Variants in HS6ST3 observed in about 807,000 individuals in gnomAD.
HS6ST3 encodes the protein heparan sulfate 6-O-sulfotransferase 3, also known as heparan-sulfate 6-O-sulfotransferase 3.
Under a neutral mutation model 36.7 loss-of-function variants are expected in HS6ST3, and 12 were observed. The ratio of observed to expected loss-of-function variants is 0.33; its 90% confidence interval spans 0.21 to 0.53. HS6ST3 has a LOEUF of 0.53. HS6ST3 is among the 20% of genes least tolerant of loss of function. The pLI is 0.95. For missense variants in HS6ST3, 584 were observed against 640.9 expected, an observed-to-expected ratio of 0.91 and a Z score of 0.96; for synonymous variants, 240 against 257.5, an observed-to-expected ratio of 0.93 and a Z score of 0.65.
chr13:96,658,268 CTTTTTTTT>C (rs71213623), intron 1 of HS6ST3, among the ~76,000 whole-genome samples: 213 of 76,156 alleles, frequency 2.8e-3, no homozygotes, highest in Non-Finnish European at 3.2e-3. Context: ...TCTTCTTCTT[CTTTTTTTT>C]TTTTTTTTTT....
Position 96,091,163 on chromosome 13 carries a change from G to C in HS6ST3, c.301G>C (p.Gly101Arg). The change falls in exon 1 of 2, where the codon GGG becomes CGG. Residue 101 changes from glycine (G) to arginine (R), a missense_variant. Gly to Arg is a moderately radical substitution (Grantham distance 125). Around this residue, in one of 3 missense-constraint regions of HS6ST3, gnomAD observed 217 missense variants for 205.4 expected, o/e 1.06. Coordinates refer to ENST00000376705, the MANE Select transcript of HS6ST3 (RefSeq NM_153456.4). ...CGAGGAGCCCGGAGACCCCCGGGAGGGGGAGGAAGAGGAGGAGGAAGACGA... is the reference window on the plus strand; with the variant it reads ...CGAGGAGCCCGGAGACCCCCGGGAGCGGGAGGAAGAGGAGGAGGAAGACGA... ...EDEEPGDPRE[G>R]EEEEEEDEPD... The C allele has an allele frequency of 6.5e-7, 1 of 1,544,678 alleles. No homozygotes were observed. Among genetic ancestry groups the C allele is most frequent in the Non-Finnish European group, 8.7e-7 (1 of 1,144,060 alleles).
chr13:96,170,565 G>A (rs2139334128), intron 1 of HS6ST3, among the ~76,000 whole-genome samples: 1 of 152,290 alleles, frequency 6.6e-6, no homozygotes, highest in South Asian at 2.1e-4. Flanking sequence ...GTTTAAAAAT[G>A]GTGGGAGAGA....
chr13:96,364,164 C>T (rs534950366), intron 1 of HS6ST3, among the ~76,000 whole-genome samples: 1 of 151,966 alleles, frequency 6.6e-6, no homozygotes, highest in South Asian at 2.1e-4. Context: ...AAATTGAAAC[C>T]CATGTACACT....
intron 1 of HS6ST3, among the ~76,000 whole-genome samples, chr13:96,443,105 A>G (rs2139481269): frequency 6.6e-6 from 1 of 152,316 alleles, no homozygotes; most frequent in East Asian, 1.9e-4. Flanking sequence ...TTTGATCAAT[A>G]TTTATAAAAG....
chr13:96,361,080 G>A (rs1427883598), intron 1 of HS6ST3, among the ~76,000 whole-genome samples: 1 of 152,130 alleles, frequency 6.6e-6, no homozygotes, highest in Admixed American at 6.6e-5. Flanking sequence ...AAAGGGTTAA[G>A]ATTACTAATT....
chr13:96,668,548 C>T (rs1365877236), intron 1 of HS6ST3, among the ~76,000 whole-genome samples: 2 of 152,042 alleles, frequency 1.3e-5, no homozygotes, highest in Non-Finnish European at 2.9e-5. Flanking sequence ...GAGCTACTGT[C>T]GCTGCTACAT....
intron 1 of HS6ST3, among the ~76,000 whole-genome samples, chr13:96,442,778 TA>T (rs57528030): frequency 0.25 from 30,890 of 124,138 alleles, 3,649 homozygotes; most frequent in African/African-American, 0.36. Flanking sequence ...CAATTGGAAG[TA>T]AAAAAAAAAA....
intron 1 of HS6ST3, among the ~76,000 whole-genome samples, chr13:96,760,071 C>G (rs1876928155): frequency 6.6e-6 from 1 of 151,908 alleles, no homozygotes; most frequent in Non-Finnish European, 1.5e-5. Flanking sequence ...TATGACATAT[C>G]TGCAATCCAA....
intron 1 of HS6ST3, among the ~76,000 whole-genome samples, chr13:96,358,129 A>C (rs2055219129): frequency 6.6e-6 from 1 of 152,324 alleles, no homozygotes; most frequent in Admixed American, 6.5e-5. Context: ...CATATATGGA[A>C]ATCTCTTTTA....
chr13:96,155,489 A>G (rs2054106057), intron 1 of HS6ST3, among the ~76,000 whole-genome samples: 1 of 152,204 alleles, frequency 6.6e-6, no homozygotes, highest in South Asian at 2.1e-4. Context: ...GGAAGGAGGA[A>G]GACATCAGAG....
chr13:96,677,697 T>C (rs564016474), intron 1 of HS6ST3, among the ~76,000 whole-genome samples: 4 of 152,282 alleles, frequency 2.6e-5, no homozygotes, highest in African/African-American at 4.8e-5. Flanking sequence ...GCTGTACCCA[T>C]GTCGCTCTGC....
intron 1 of HS6ST3, among the ~76,000 whole-genome samples, chr13:96,452,647 C>T (rs910409064): frequency 7.9e-5 from 12 of 151,846 alleles, no homozygotes; most frequent in Admixed American, 2.0e-4. Context: ...ATTAAGGGAA[C>T]TGTTAGATTA....
intron 1 of HS6ST3, among the ~76,000 whole-genome samples, chr13:96,386,655 A>G (rs780991585): frequency 1.6e-4 from 25 of 152,136 alleles, no homozygotes; most frequent in Non-Finnish European, 3.1e-4. Context: ...TCACAAGGTC[A>G]AGAGATCAAG....
chr13:96,209,740 T>C (rs2139356686), intron 1 of HS6ST3, among the ~76,000 whole-genome samples: 1 of 152,308 alleles, frequency 6.6e-6, no homozygotes, highest in South Asian at 2.1e-4. Context: ...GTACTTGCTA[T>C]TACTGCTGTT....
At chr13:96,094,119 A>G (rs2053778504) in intron 1 of HS6ST3, among the ~76,000 whole-genome samples, 1 of 152,146 alleles carries the variant, frequency 6.6e-6, no homozygotes, top group Non-Finnish European at 1.5e-5. Flanking sequence ...TGGCTCTTGT[A>G]CTTACTAGCC....
chr13:96,687,970 A>G (rs1285333974), intron 1 of HS6ST3, among the ~76,000 whole-genome samples: 1 of 151,662 alleles, frequency 6.6e-6, no homozygotes, highest in African/African-American at 2.4e-5. Context: ...CACAAGGACA[A>G]AAAGCCAAAC....
intron 1 of HS6ST3, among the ~76,000 whole-genome samples, chr13:96,774,936 G>A (rs1333381923): frequency 3.3e-5 from 5 of 152,124 alleles, no homozygotes; most frequent in African/African-American, 1.2e-4. Context: ...CAGAGAGAAA[G>A]GTTGGGTTAC....
intron 1 of HS6ST3, among the ~76,000 whole-genome samples, chr13:96,418,020 A>C (rs1440490970): frequency 1.3e-5 from 2 of 152,124 alleles, no homozygotes; most frequent in Non-Finnish European, 2.9e-5. Flanking sequence ...ATTATAACTC[A>C]TGCCTGAACA....
At position 96,300,464 on chromosome 13, in the gene HS6ST3, C is replaced by T. The variant is rs997536682; in HGVS notation, c.707+208895C>T. On this transcript the variant is annotated intron_variant, in intron 1 of 1. Transcript: ENST00000376705. ...CCAGTCGCCTCCCACCAGGTCCCTC[C>T]TCCAACACTGGGGATTACAATTAAA... 3.9e-5 allele frequency among the ~76,000 whole-genome samples: 6 copies of T among 152,246 alleles called. No individual in the cohort carries two copies. In the East Asian group the frequency reaches 1.2e-3, roughly 30 times the overall value.
Sources: gnomAD v4.1 joint callset for allele counts (sites outside exome capture counted in the v4.1 genomes callset) on GRCh38, gnomAD v4.1.1 for gene constraint, gnomAD v4.1.1 regional missense constraint, MANE v1.5 for transcripts, NCBI Gene and HGNC (gene_info 2026-07-23, HGNC 2026-07-21) for gene names.